Variants in KLHDC7A observed in about 807,000 individuals in gnomAD.
The protein encoded by KLHDC7A is kelch domain-containing protein 7A.
For synonymous variants in KLHDC7A, 464 were observed against 461.0 expected (o/e 1.01, Z -0.08); for missense variants, 1,123 against 1,052.6 (o/e 1.07, Z -0.93).
rs1354131988 is a variant in KLHDC7A, at chr1:18,481,923, T to A, written c.942T>A (p.Thr314=). 1 of 1,613,380 alleles carries A rather than the reference T, an allele frequency of 6.2e-7. No homozygotes were observed. The highest frequency in any genetic ancestry group is 2.2e-5 in the East Asian group (1 of 44,870). Residue 314 remains threonine (T), a synonymous_variant, in exon 1 of 1, where the codon ACT becomes ACA. Transcript: ENST00000400664. ...GRLAPRTAAL[T]EVPSPRPPPG... Reference sequence around the variant, plus strand: ...TGGCTCCCAGGACAGCAGCCCTGACTGAGGTTCCATCCCCTAGGCCACCGC... The same window carrying A: ...TGGCTCCCAGGACAGCAGCCCTGACAGAGGTTCCATCCCCTAGGCCACCGC...
chr1:18,482,767 G>A lies in KLHDC7A; in HGVS notation c.1786G>A (p.Gly596Arg), dbSNP rs761196973. The stretch of plus-strand genomic sequence containing the variant: ...GGACGGGCACCTGTATGCCATCGGC[G>A]GAGAGTGTCTGAACTCGGTGGAGCG... ...ALDGHLYAIG[G>R]ECLNSVERYD... Residue 596 changes from glycine (G) to arginine (R), a missense_variant, in exon 1 of 1, where the codon GGA (glycine) becomes AGA (arginine). Transcript: ENST00000400664. 5 of 1,610,158 alleles carry A rather than the reference G, an allele frequency of 3.1e-6. No individual in the cohort carries two copies. Among genetic ancestry groups the A allele is most frequent in the African/African-American group, 2.7e-5 (2 of 74,892 alleles).
chr1:18,482,695 G>T lies in KLHDC7A; in HGVS notation c.1714G>T (p.Val572Leu), dbSNP rs1336583138. The change falls in exon 1 of 1, where the codon GTG becomes TTG. Residue 572 changes from valine (V) to leucine (L), a missense_variant. Transcript: ENST00000400664. ...CCCGCTCACGGGGATCTGGAGCGAGGTGTGCCCGCTGAACCAGGCCCGGCC... is the reference window on the plus strand; with the variant it reads ...CCCGCTCACGGGGATCTGGAGCGAGTTGTGCCCGCTGAACCAGGCCCGGCC... ...YNPLTGIWSE[V>L]CPLNQARPHC... 3 of 1,609,514 alleles carry T rather than the reference G, an allele frequency of 1.9e-6. No individual in the cohort carries two copies. The highest frequency in any genetic ancestry group is 2.5e-6 in the Non-Finnish European group (3 of 1,179,316).
In KLHDC7A at chr1:18,482,403, C is replaced by T. The variant is rs772147366; in HGVS notation, c.1422C>T (p.Cys474=). 1.9e-6 allele frequency: 3 copies of T among 1,606,922 alleles called. No individual in the cohort carries two copies. The highest frequency in any genetic ancestry group is 1.6e-4 in the Middle Eastern group (1 of 6,084). The change falls in exon 1 of 1, where the codon TGC becomes TGT. Residue 474 remains cysteine (C), a synonymous_variant. Transcript: ENST00000400664. ...TGCGCAGCCCGGACATCTACGGGTG[C>T]CTGAGCGGGGCAGAGCGCGAGCTGA... The part of the protein sequence containing the change: ...QVLRSPDIYG[C]LSGAERELIL...
chr1:18,481,830 C>T lies in KLHDC7A; in HGVS notation c.849C>T (p.Pro283=), dbSNP rs1313837006. Residue 283 remains proline, a synonymous_variant, in exon 1 of 1, where the codon CCC becomes CCT. Transcript: ENST00000400664. ...HFIQKAEGVE[P]RLKGKVYDYY... is the part of the protein sequence containing the mutation. ...TACAGAAGGCGGAGGGGGTTGAGCCCCGGCTCAAGGGCAAGGTGTACGACT... is the reference window on the plus strand; with the variant it reads ...TACAGAAGGCGGAGGGGGTTGAGCCTCGGCTCAAGGGCAAGGTGTACGACT... 1.2e-6 allele frequency: 2 copies of T among 1,614,048 alleles called. No individual in the cohort carries two copies. Among genetic ancestry groups the T allele is most frequent in the East Asian group, 2.2e-5 (1 of 44,858 alleles).
Position 18,483,011 on chromosome 1 carries a change from G to A in KLHDC7A, c.2030G>A (p.Gly677Asp), listed in dbSNP as rs1316353502. The A allele has an allele frequency of 6.2e-7, 1 of 1,613,240 alleles. No homozygotes were observed. The highest frequency in any genetic ancestry group is 1.3e-5 in the African/African-American group (1 of 74,950). The change falls in exon 1 of 1, where the codon GGC becomes GAC. Residue 677 changes from glycine to aspartate, a missense_variant. Gly to Asp is a moderately conservative substitution (Grantham distance 94). Coordinates refer to ENST00000400664, the MANE Select transcript of KLHDC7A (RefSeq NM_152375.3). ...ACGGCCGAGATGGTGGCGGTCAACG[G>A]CTTTCTCTACCGCTTTGACCTCAAC... ...DRTAEMVAVN[G>D]FLYRFDLNRS...
chr1:18,482,884 GA>G lies in KLHDC7A; in HGVS notation c.1906del (p.Ile636SerfsTer102), dbSNP rs754769007. 10 of 1,611,764 alleles carry G rather than the reference GA, an allele frequency of 6.2e-6. No individual in the cohort carries two copies. Among genetic ancestry groups the G allele is most frequent in the Non-Finnish European group, 8.5e-6 (10 of 1,179,704 alleles). ...GCACACGGCCACGGTGCGTGCCAAG[GA>G]AATCTTCGTCACCGGCGGCTCGCTG... The part of the protein sequence containing the change: ...LAHTATVRAK[E>X]IFVTGGSLRF... On this transcript the variant is annotated frameshift_variant, in exon 1 of 1. Coordinates refer to ENST00000400664, the MANE Select transcript of KLHDC7A (RefSeq NM_152375.3). LOFTEE classifies it low-confidence loss of function (END_TRUNC).
In KLHDC7A at chr1:18,482,983, C is replaced by G; in HGVS notation, c.2002C>G (p.Arg668Gly). 6.2e-7 allele frequency: 1 copy of G among 1,612,988 alleles called. No homozygotes were observed. Among genetic ancestry groups the G allele is most frequent in the South Asian group, 1.1e-5 (1 of 91,076 alleles). Residue 668 changes from arginine (R) to glycine (G), a missense_variant, in exon 1 of 1, where the codon CGC becomes GGC. Arg to Gly is a moderately radical substitution (Grantham distance 125, BLOSUM62 -2). Transcript: ENST00000400664. ...WAGPTGGSKD[R>G]TAEMVAVNGF... ...CGGCCCCACCGGGGGCAGCAAGGAC[C>G]GCACGGCCGAGATGGTGGCGGTCAA...
rs1448810573 is a variant in KLHDC7A, at chr1:18,483,288, C to T, written c.2307C>T (p.Thr769=). The T allele has an allele frequency of 2.5e-6, 4 of 1,613,328 alleles. No individual in the cohort carries two copies. In the African/African-American group the frequency reaches 5.3e-5, roughly 22 times the overall value. Reference sequence around the variant, plus strand: ...TGCCCACCGTCCTGACCTTGCCCACCCCCGATTTGCCTCAGACCAGGGTCT... The same window carrying T: ...TGCCCACCGTCCTGACCTTGCCCACTCCCGATTTGCCTCAGACCAGGGTCT... ...TLLPTVLTLP[T]PDLPQTRV The change falls in exon 1 of 1, where the codon ACC becomes ACT. Residue 769 remains threonine, a synonymous_variant. Transcript: ENST00000400664.
chr1:18,482,132 T>C lies in KLHDC7A; in HGVS notation c.1151T>C (p.Leu384Pro). ...CAGCTGCAGCCAGATGGCTTCCGGC[T>C]CCCCGCTCCACCCTGCCCAGACCCG... ...ELQLQPDGFR[L>P]PAPPCPDPGA... Residue 384 changes from leucine to proline, a missense_variant, in exon 1 of 1, where the codon CTC (leucine) becomes CCC (proline). Transcript: ENST00000400664. 6.2e-7 allele frequency: 1 copy of C among 1,611,430 alleles called. No individual in the cohort carries two copies. Among genetic ancestry groups the C allele is most frequent in the Non-Finnish European group, 8.5e-7 (1 of 1,179,288 alleles).
At position 18,481,680 on chromosome 1, in the gene KLHDC7A, A is replaced by G. The variant is rs771988106; in HGVS notation, c.699A>G (p.Arg233=). 2.5e-6 allele frequency: 4 copies of G among 1,614,128 alleles called. No individual in the cohort carries two copies. The South Asian group carries it at 4.4e-5, about 18-fold the overall frequency. The change falls in exon 1 of 1, where the codon AGA becomes AGG. Residue 233 remains arginine (R), a synonymous_variant. Transcript: ENST00000400664. ...TCACCCGTGTGATAGGGGTCAGCAGAGAAGAGGCTGGGGCTCTCGAGGCTG... is the reference window on the plus strand; with the variant it reads ...TCACCCGTGTGATAGGGGTCAGCAGGGAAGAGGCTGGGGCTCTCGAGGCTG... ...WVFTRVIGVS[R]EEAGALEAAS...
At position 18,483,621 on chromosome 1, in the gene KLHDC7A, C is replaced by T. The variant is rs1299144303; in HGVS notation, c.*306C>T. ...ACTCTGAATTCTTGGGGGGATACAC[C>T]GGGACCCCACCAAAGCTTAGGGGGC... On this transcript the variant is annotated 3_prime_UTR_variant, in exon 1 of 1. Transcript: ENST00000400664. 4 of 1,294,280 alleles carry T rather than the reference C, an allele frequency of 3.1e-6. No homozygotes were observed. The highest frequency in any genetic ancestry group is 3.0e-6 in the Non-Finnish European group (3 of 1,004,574). 80.2% of individuals were successfully genotyped at this position (1,294,280 alleles called of 1,614,324 possible). A position where few individuals can be genotyped will look rare whatever the true frequency, so the allele number is the denominator to read the frequency against.
Sources: allele counts gnomAD v4.1 joint callset, GRCh38; gene constraint gnomAD v4.1.1; transcripts MANE v1.5; gene names NCBI Gene and HGNC (gene_info 2026-07-23, HGNC 2026-07-21).